Variants in LDLRAD4 observed in about 807,000 individuals in gnomAD.
The protein encoded by LDLRAD4 is low-density lipoprotein receptor class A domain-containing protein 4.
Under a neutral mutation model 17.0 loss-of-function variants are expected in LDLRAD4, and 5 were observed. The observed-to-expected ratio is 0.29, with a 90% CI of 0.15 to 0.62. The LOEUF is 0.62. Ranked by LOEUF, LDLRAD4 falls within the 20% of genes least tolerant of loss-of-function variation. LDLRAD4 has a pLI of 0.84. For synonymous variants in LDLRAD4, 168 were observed against 171.8 expected (o/e 0.98, Z 0.17); for missense variants, 340 against 424.7 (o/e 0.80, Z 1.75).
rs181226192 is a variant in LDLRAD4 at position 13,645,017 on chromosome 18, T to C, written c.391-110T>C. 629 of 825,288 alleles carry C rather than the reference T, an allele frequency of 7.6e-4. 2 individuals are homozygous for C. The African/African-American group carries it at 9.5e-3, about 12-fold the overall frequency. The allele number at this position is 825,288 out of a possible 1,614,324, so 51.1% of individuals were successfully genotyped here. On this transcript the variant is annotated intron_variant, in intron 5 of 5. Transcript: ENST00000359446. This position sits in a 1 kb window ranked among gnomAD's most constrained non-coding sequence, Gnocchi z 5.7. Reference sequence around the variant, plus strand: ...TCTTTTTTTTTTTCCTGGGAGATGGTGTTCAAACTGGTAGGAACACACACC... The same window carrying C: ...TCTTTTTTTTTTTCCTGGGAGATGGCGTTCAAACTGGTAGGAACACACACC...
At chr18:13,396,671 C>T (rs902397421) in intron 2 of LDLRAD4, among the ~76,000 whole-genome samples, 4 of 152,032 alleles carry the variant, frequency 2.6e-5, no homozygotes, top group South Asian at 2.1e-4. Flanking sequence ...TTTGTAGAGA[C>T]GGAGTTTTGC....
intron 3 of LDLRAD4, among the ~76,000 whole-genome samples, chr18:13,590,291 G>A (rs899966961): frequency 6.6e-6 from 1 of 150,954 alleles, no homozygotes; most frequent in East Asian, 1.9e-4. Flanking sequence ...GAGTGTGGGG[G>A]AGATAGGGGT....
intron 1 of LDLRAD4, among the ~76,000 whole-genome samples, chr18:13,303,662 A>G (rs2046739179): frequency 6.6e-6 from 1 of 152,088 alleles, no homozygotes; most frequent in African/African-American, 2.4e-5. Context: ...AGAAAAAGGG[A>G]GTTATTTTCT....
chr18:13,652,050 T>A (rs1337526474), exon 6 of LDLRAD4: 1 of 152,190 alleles, frequency 6.6e-6, no homozygotes, highest in Non-Finnish European at 1.5e-5. Flanking sequence ...GTTTCCATCG[T>A]ATACTGTAGG....
intron 1 of LDLRAD4, among the ~76,000 whole-genome samples, chr18:13,377,356 CAAT>C (rs1330508409): frequency 6.6e-6 from 1 of 152,170 alleles, no homozygotes; most frequent in Non-Finnish European, 1.5e-5. Flanking sequence ...TGGTCTGCCT[CAAT>C]GATGGTTTTG....
intron 3 of LDLRAD4, among the ~76,000 whole-genome samples, chr18:13,561,175 C>G (rs1445572370): frequency 6.6e-6 from 1 of 152,158 alleles, no homozygotes. Flanking sequence ...TCTTCAGGTT[C>G]CACGTTTGAA....
At chr18:13,274,362 T>C (rs2044734627), upstream of LDLRAD4, among the ~76,000 whole-genome samples, 1 of 152,224 alleles carries the variant, frequency 6.6e-6, no homozygotes, top group African/African-American at 2.4e-5. Context: ...CCCCTCCAGT[T>C]CCCTGCTGGC....
intron 3 of LDLRAD4, among the ~76,000 whole-genome samples, chr18:13,536,645 T>G (rs2094204860): frequency 6.6e-6 from 1 of 152,056 alleles, no homozygotes; most frequent in African/African-American, 2.4e-5. Context: ...TTCAGAACCT[T>G]CAGTACAAAC....
At chr18:13,649,767 A>G (rs2149033447) in exon 6 of LDLRAD4, 1 of 347,298 alleles carries the variant, frequency 2.9e-6, no homozygotes. Context: ...TGGGAAAGAT[A>G]CTTGGTTTCT....
At chr18:13,293,745 A>C (rs2046104656) in intron 1 of LDLRAD4, among the ~76,000 whole-genome samples, 1 of 152,158 alleles carries the variant, frequency 6.6e-6, no homozygotes, top group African/African-American at 2.4e-5. Context: ...TTGCATGTTA[A>C]TTTTCAGGTG....
At chr18:13,546,659 C>T (rs772338915) in intron 3 of LDLRAD4, among the ~76,000 whole-genome samples, 5 of 152,146 alleles carry the variant, frequency 3.3e-5, no homozygotes, top group Non-Finnish European at 7.3e-5. Context: ...TTACTCAGTA[C>T]CCTGGCACAA....
At chr18:13,283,770 T>C (rs1207377262) in intron 1 of LDLRAD4, among the ~76,000 whole-genome samples, 1 of 152,188 alleles carries the variant, frequency 6.6e-6, no homozygotes, top group Non-Finnish European at 1.5e-5. Flanking sequence ...TGATACCAAT[T>C]TACTGTGTTA....
At chr18:13,633,764 A>G (rs929351464) in intron 4 of LDLRAD4, among the ~76,000 whole-genome samples, 3 of 152,202 alleles carry the variant, frequency 2.0e-5, no homozygotes, top group African/African-American at 7.2e-5. Flanking sequence ...GGACTTCGCT[A>G]GGACCCTGAG....
chr18:13,559,450 C>T (rs2094517081), intron 3 of LDLRAD4, among the ~76,000 whole-genome samples: 1 of 151,900 alleles, frequency 6.6e-6, no homozygotes, highest in Non-Finnish European at 1.5e-5. Context: ...TAAAAAAATG[C>T]AACAGGATTA....
chr18:13,511,787 C>T (rs193172751), intron 3 of LDLRAD4, among the ~76,000 whole-genome samples: 3 of 152,294 alleles, frequency 2.0e-5, no homozygotes, highest in African/African-American at 7.2e-5. Flanking sequence ...GGCCAAGAAA[C>T]GTTGGCTCTC....
chr18:13,574,700 T>G (rs797017561), intron 3 of LDLRAD4, among the ~76,000 whole-genome samples: 4 of 152,302 alleles, frequency 2.6e-5, no homozygotes, highest in African/African-American at 9.6e-5. Flanking sequence ...TGCCTCAATT[T>G]AGGAGTGGTG....
chr18:13,432,871 C>A (rs1000367375), intron 2 of LDLRAD4, among the ~76,000 whole-genome samples: 1 of 152,166 alleles, frequency 6.6e-6, no homozygotes, highest in Non-Finnish European at 1.5e-5. Flanking sequence ...CACATGCCAC[C>A]AAGCTCAGCT....
At chr18:13,296,130 T>A (rs1235015973) in intron 1 of LDLRAD4, among the ~76,000 whole-genome samples, 1 of 152,180 alleles carries the variant, frequency 6.6e-6, no homozygotes, top group African/African-American at 2.4e-5. Context: ...GTTTCACGAG[T>A]GCTGTGCCCA....
intron 1 of LDLRAD4, chr18:13,241,974 C>T (rs1290233265): frequency 1.3e-5 from 2 of 152,278 alleles, no homozygotes; most frequent in Non-Finnish European, 2.9e-5. Context: ...TCACACGCGT[C>T]ATCACGCGAG....
Sources: gnomAD v4.1 joint callset for allele counts (sites outside exome capture counted in the v4.1 genomes callset) on GRCh38, gnomAD v4.1.1 for gene constraint, Gnocchi (gnomAD v3.1) non-coding constraint, MANE v1.5 for transcripts, NCBI Gene and HGNC (gene_info 2026-07-23, HGNC 2026-07-21) for gene names.